SEC14L6: variants seen among roughly 807,000 people sequenced by gnomAD.
SEC14L6 encodes the protein SEC14-like protein 6.
Under a neutral mutation model 54.1 loss-of-function variants are expected in SEC14L6, and 40 were observed. That is an observed-to-expected ratio of 0.74 (90% confidence interval 0.57 to 0.96). The LOEUF (loss-of-function observed/expected upper bound fraction) is 0.96. Ranked by LOEUF, SEC14L6 falls within the 40% of genes least tolerant of loss-of-function variation. The probability of loss-of-function intolerance (pLI) is 0.00; values close to 1 mark genes in which losing one functional copy is unlikely to be tolerated. For synonymous variants in SEC14L6, 171 were observed against 198.4 expected, an observed-to-expected ratio of 0.86 and a Z score of 1.16; for missense variants, 471 against 498.3, an observed-to-expected ratio of 0.95 and a Z score of 0.52.
Position 30,525,903 on chromosome 22 carries a change from T to G in SEC14L6, c.694A>C (p.Ile232Leu), listed in dbSNP as rs1268841690. Residue 232 changes from isoleucine to leucine, a missense_variant, in exon 9 of 12, where the codon ATC becomes CTC. Transcript: ENST00000402034. ...DNWKQELTKF[I>L]SPDQLPVEFG... Reference sequence around the variant, plus strand: ...TCCACGGGCAGCTGGTCGGGGCTGATGAATTTTGTCAGCTCCTGCTTCCAG... The same window carrying G: ...TCCACGGGCAGCTGGTCGGGGCTGAGGAATTTTGTCAGCTCCTGCTTCCAG... 1 of 1,612,286 alleles carries G rather than the reference T, an allele frequency of 6.2e-7. No individual in the cohort carries two copies. Among genetic ancestry groups the G allele is most frequent in the African/African-American group, 1.3e-5 (1 of 74,846 alleles).
intron 1 of SEC14L6, chr22:30,543,633 G>A (rs2085762671): frequency 6.2e-7 from 1 of 1,613,274 alleles, no homozygotes; most frequent in African/African-American, 1.3e-5. Context: ...ACCTGAAGGA[G>A]CAGAGCTCAA....
At chr22:30,542,159 A>G (rs1023064764) in intron 1 of SEC14L6, among the ~76,000 whole-genome samples, 3 of 152,026 alleles carry the variant, frequency 2.0e-5, no homozygotes, top group East Asian at 3.9e-4. Flanking sequence ...ACCCTACCAG[A>G]AAGTCCACTC....
At position 30,525,672 on chromosome 22, in the gene SEC14L6, C is replaced by T. The variant is rs370963681; in HGVS notation, c.850G>A (p.Val284Met). Reference protein sequence around the residue: ...VRLQYEHTRSVGRGSSLQVEN... With the variant: ...VRLQYEHTRSMGRGSSLQVEN... ...ACCTGCAGGGAGGAGCCGCGGCCCA[C>T]GGACCTCGTGTGCTCATACTGCAGC... The change falls in exon 10 of 12, where the codon GTG becomes ATG. Residue 284 changes from valine (V) to methionine (M), a missense_variant. By Grantham distance (21) the Val-to-Met change is conservative. Coordinates refer to ENST00000402034, the MANE Select transcript of SEC14L6 (RefSeq NM_001193336.4). The T allele has an allele frequency of 3.0e-4, 490 of 1,612,722 alleles. 6 individuals are homozygous for T. In the East Asian group the frequency reaches 6.2e-3, roughly 20 times the overall value.
At chr22:30,533,542 A>G (rs932484405) in intron 3 of SEC14L6, among the ~76,000 whole-genome samples, 7 of 151,772 alleles carry the variant, frequency 4.6e-5, no homozygotes, top group African/African-American at 1.7e-4. Context: ...CGGAGGTTGC[A>G]GTGAGCTAAG....
intron 1 of SEC14L6, chr22:30,542,550 C>G: frequency 7.7e-7 from 1 of 1,301,550 alleles, no homozygotes; most frequent in South Asian, 1.6e-5. Flanking sequence ...TTCCAGCCCT[C>G]GCGGGCGGCG....
At chr22:30,532,202 G>A (rs1049118367) in intron 5 of SEC14L6, 2 of 985,350 alleles carry the variant, frequency 2.0e-6, no homozygotes, top group Non-Finnish European at 2.4e-6. Context: ...GTCCATGGGA[G>A]GCCAAATCGC....
intron 8 of SEC14L6, among the ~76,000 whole-genome samples, chr22:30,527,456 G>A (rs2146244308): frequency 6.6e-6 from 1 of 152,030 alleles, no homozygotes; most frequent in East Asian, 1.9e-4. Flanking sequence ...AATTATTGAT[G>A]TCCAACCTTG....
chr22:30,527,714 C>CAA (rs778118906), intron 8 of SEC14L6, among the ~76,000 whole-genome samples: 1,150 of 30,066 alleles, frequency 0.038, 51 homozygotes, highest in Middle Eastern at 0.083. Flanking sequence ...GACCTTGTCT[C>CAA]AAAAAAAAAA....
At chr22:30,529,477 C>G in intron 6 of SEC14L6, 128 bp from the exon 7 acceptor site, 1 of 719,370 alleles carries the variant, frequency 1.4e-6, no homozygotes, top group Non-Finnish European at 2.4e-6. Context: ...GGCTTTGATG[C>G]AGACGGCTCC....
chr22:30,535,334 T>G (rs1223695518), intron 2 of SEC14L6, among the ~76,000 whole-genome samples: 1 of 152,214 alleles, frequency 6.6e-6, no homozygotes, highest in Non-Finnish European at 1.5e-5. Flanking sequence ...CTCACTGGCT[T>G]TGCAGCAGCA....
At chr22:30,543,968 C>A in intron 1 of SEC14L6, 1 of 1,605,364 alleles carries the variant, frequency 6.2e-7, no homozygotes, top group South Asian at 1.1e-5. Flanking sequence ...TCGGAGGACA[C>A]CCTCACCTAT....
chr22:30,542,193 G>A (rs1018320957), intron 1 of SEC14L6, among the ~76,000 whole-genome samples: 1 of 152,186 alleles, frequency 6.6e-6, no homozygotes, highest in Non-Finnish European at 1.5e-5. Flanking sequence ...ACCTCGGCAC[G>A]GCTCTGAAAG....
chr22:30,543,398 A>C, intron 1 of SEC14L6: 1 of 1,601,334 alleles, frequency 6.2e-7, no homozygotes, highest in Admixed American at 1.7e-5. Context: ...CAGGTGACGA[A>C]ATTCTACCCC....
chr22:30,539,811 C>T (rs920963423), intron 1 of SEC14L6, among the ~76,000 whole-genome samples: 2 of 152,194 alleles, frequency 1.3e-5, no homozygotes, highest in South Asian at 2.1e-4. Flanking sequence ...CCATCAGCCA[C>T]GCCCAAGTGA....
intron 1 of SEC14L6, among the ~76,000 whole-genome samples, chr22:30,545,719 C>A (rs915267456): frequency 3.9e-5 from 6 of 152,218 alleles, no homozygotes; most frequent in Admixed American, 6.5e-5. Flanking sequence ...AGCTACTGCA[C>A]CAGACCAGTT....
At chr22:30,526,660 G>A (rs1936790695) in intron 8 of SEC14L6, among the ~76,000 whole-genome samples, 1 of 151,764 alleles carries the variant, frequency 6.6e-6, no homozygotes, top group African/African-American at 2.4e-5. Flanking sequence ...AGCCCGGGAG[G>A]CAGAGGCTGC....
intron 2 of SEC14L6, among the ~76,000 whole-genome samples, chr22:30,535,731 G>A (rs917854823): frequency 2.3e-4 from 35 of 152,136 alleles, no homozygotes; most frequent in Admixed American, 1.9e-3. Context: ...TTGTTTTTGA[G>A]ACAAGGTTTT....
At chr22:30,534,846 G>A (rs1281843157) in intron 2 of SEC14L6, among the ~76,000 whole-genome samples, 2 of 152,064 alleles carry the variant, frequency 1.3e-5, no homozygotes, top group African/African-American at 4.8e-5. Context: ...ACAACATAGT[G>A]AAATCTCGTC....
At chr22:30,528,617 T>A (rs1936860274) in intron 8 of SEC14L6, among the ~76,000 whole-genome samples, 1 of 150,602 alleles carries the variant, frequency 6.6e-6, no homozygotes, top group Non-Finnish European at 1.5e-5. Context: ...AGAGACAGGG[T>A]CTCATTATGT....
Sources: allele counts gnomAD v4.1 joint callset (sites outside exome capture counted in the v4.1 genomes callset), GRCh38; gene constraint gnomAD v4.1.1; transcripts MANE v1.5; gene names NCBI Gene and HGNC (gene_info 2026-07-23, HGNC 2026-07-21).